Variants in HPSE2 observed in about 807,000 individuals in gnomAD.
The protein encoded by HPSE2 is inactive heparanase-2.
Under a neutral mutation model 60.5 loss-of-function variants are expected in HPSE2, and 38 were observed. The ratio of observed to expected loss-of-function variants is 0.63; its 90% CI spans 0.48 to 0.82. The LOEUF (loss-of-function observed/expected upper bound fraction) is 0.82, where lower values mean the gene tolerates loss of function less well. HPSE2 is among the 40% of genes least tolerant of loss of function. HPSE2 has a pLI of 0.00. For missense variants in HPSE2, 713 were observed against 740.4 expected (o/e 0.96, Z 0.43); for synonymous variants, 295 against 293.2 (o/e 1.01, Z -0.06).
At chr10:98,740,010 T>C (rs1949456174) in intron 4 of HPSE2, among the ~76,000 whole-genome samples, 1 of 152,152 alleles carries the variant, frequency 6.6e-6, no homozygotes, top group Non-Finnish European at 1.5e-5. Flanking sequence ...GATTCACCAA[T>C]GGTTAATATA....
At chr10:98,718,237 A>C (rs1948838437) in intron 5 of HPSE2, among the ~76,000 whole-genome samples, 1 of 152,210 alleles carries the variant, frequency 6.6e-6, no homozygotes, top group Admixed American at 6.6e-5. Context: ...TTCCCAAATA[A>C]GGAAATGAAA....
chr10:99,186,129 C>CACACACACACACACACAT (rs1554912908), intron 2 of HPSE2, among the ~76,000 whole-genome samples: 1,712 of 141,674 alleles, frequency 0.012, 69 homozygotes, highest in East Asian at 0.085. Flanking sequence ...CACACACACA[C>CACACACACACACACACAT]ACACACACAC....
chr10:99,285,081 G>A, the HPSE2 span, among the ~76,000 whole-genome samples: 3 of 151,964 alleles, frequency 2.0e-5, no homozygotes, highest in African/African-American at 7.3e-5. Flanking sequence ...AGGGGCACAT[G>A]TGCAGGGACA....
intron 3 of HPSE2, among the ~76,000 whole-genome samples, chr10:98,981,519 A>C (rs1306800099): frequency 3.3e-5 from 5 of 152,138 alleles, no homozygotes; most frequent in African/African-American, 1.2e-4. Flanking sequence ...AGTTGGCATG[A>C]TATATGTTTA....
At position 98,937,573 on chromosome 10, in the gene HPSE2, A is replaced by G. The variant is rs1389634563; in HGVS notation, c.611-193517T>C. Among the ~76,000 whole-genome samples, 5 of 143,936 alleles carry G rather than the reference A, an allele frequency of 3.5e-5. 1 individual carries two copies. Among genetic ancestry groups the G allele is most frequent in the African/African-American group, 8.5e-5 (3 of 35,466 alleles). The allele number at this position is 143,936 out of a possible 152,430, so 94.4% of individuals were successfully genotyped here. A position where few individuals can be genotyped will look rare whatever the true frequency, so the allele number is the denominator to read the frequency against. On this transcript the variant is annotated intron_variant, in intron 3 of 11. Transcript: ENST00000370552. Reference sequence around the variant, plus strand: ...TTGCCCAGGCTTTCTTAGGTAAACAAAGCAGCCTGGAAGCTCGAACTGGGT... The same window carrying G: ...TTGCCCAGGCTTTCTTAGGTAAACAGAGCAGCCTGGAAGCTCGAACTGGGT...
chr10:99,287,791 C>T, the HPSE2 span, among the ~76,000 whole-genome samples: 2 of 152,134 alleles, frequency 1.3e-5, no homozygotes, highest in Non-Finnish European at 2.9e-5. Context: ...CTCATTCAGC[C>T]ATTACTTTGC....
chr10:98,708,939 C>CA (rs535162454), intron 5 of HPSE2, among the ~76,000 whole-genome samples: 168 of 152,310 alleles, frequency 1.1e-3, no homozygotes, highest in Non-Finnish European at 1.9e-3. Flanking sequence ...CTATTACAGT[C>CA]AATGAGTTTG....
At chr10:99,011,906 A>G (rs1474333198) in intron 3 of HPSE2, among the ~76,000 whole-genome samples, 3 of 151,004 alleles carry the variant, frequency 2.0e-5, no homozygotes, top group Non-Finnish European at 2.9e-5. Flanking sequence ...ATTCTCAAAC[A>G]ATGTATTTAT....
intron 3 of HPSE2, among the ~76,000 whole-genome samples, chr10:99,091,777 T>C (rs1038992799): frequency 6.6e-6 from 1 of 152,212 alleles, no homozygotes; most frequent in African/African-American, 2.4e-5. Flanking sequence ...TTCTTGATGT[T>C]GTAGTTCTGC....
chr10:98,997,993 G>A (rs540497978), intron 3 of HPSE2, among the ~76,000 whole-genome samples: 52 of 152,350 alleles, frequency 3.4e-4, no homozygotes, highest in African/African-American at 1.2e-3. Flanking sequence ...CCACAGCACA[G>A]TGACCTTTTC....
chr10:98,903,257 T>C (rs938597098), intron 3 of HPSE2, among the ~76,000 whole-genome samples: 7 of 152,070 alleles, frequency 4.6e-5, no homozygotes, highest in Non-Finnish European at 8.8e-5. Flanking sequence ...AGTGGCTGCC[T>C]AGGCCTAGGG....
At chr10:98,865,037 T>C (rs1452365139) in intron 3 of HPSE2, among the ~76,000 whole-genome samples, 1 of 152,102 alleles carries the variant, frequency 6.6e-6, no homozygotes, top group Non-Finnish European at 1.5e-5. Flanking sequence ...TTTTTATCAA[T>C]GTTGTCACAA....
intron 3 of HPSE2, among the ~76,000 whole-genome samples, chr10:98,884,972 T>C (rs964409847): frequency 2.0e-5 from 3 of 152,198 alleles, no homozygotes; most frequent in Admixed American, 6.6e-5. Context: ...AGAACTGCCA[T>C]AGGCAGTGAT....
intron 3 of HPSE2, among the ~76,000 whole-genome samples, chr10:98,974,343 T>A (rs1003289321): frequency 2.0e-5 from 3 of 151,964 alleles, no homozygotes; most frequent in African/African-American, 7.2e-5. Flanking sequence ...TTTTGTTTGT[T>A]TGTTTGTTTT....
At chr10:98,745,697 G>A (rs1297684866) in intron 3 of HPSE2, among the ~76,000 whole-genome samples, 1 of 152,066 alleles carries the variant, frequency 6.6e-6, no homozygotes, top group Admixed American at 6.6e-5. Flanking sequence ...TGTATCCCAA[G>A]GTATGGATAA....
At chr10:99,296,269 T>C in the HPSE2 span, among the ~76,000 whole-genome samples, 1 of 152,182 alleles carries the variant, frequency 6.6e-6, no homozygotes, top group Non-Finnish European at 1.5e-5. Flanking sequence ...GAGGTGAGAC[T>C]GGACTCCAGA....
intron 2 of HPSE2, among the ~76,000 whole-genome samples, chr10:99,182,971 A>G (rs1352675038): frequency 6.6e-6 from 1 of 151,758 alleles, no homozygotes; most frequent in Non-Finnish European, 1.5e-5. Context: ...ACACACACAC[A>G]AAAAAAACTA....
chr10:98,949,248 G>T (rs534465579), intron 3 of HPSE2, among the ~76,000 whole-genome samples: 1 of 72,718 alleles, frequency 1.4e-5, no homozygotes, highest in East Asian at 3.9e-4. Flanking sequence ...ACACGCATGC[G>T]TGCACACACA....
rs369836435 is a variant in HPSE2, at chr10:99,015,413, G to C, written c.610+128825C>G. ...ATTCACAACAGAAAAGACTTGGAAC[G>C]AAACCAAATGTCCAACAATGATAGA... On this transcript the variant is annotated intron_variant, in intron 3 of 11. Transcript: ENST00000370552. Among the ~76,000 whole-genome samples, 12 of 152,222 alleles carry C rather than the reference G, an allele frequency of 7.9e-5. No individual in the cohort carries two copies. The East Asian group carries it at 1.5e-3, about 20-fold the overall frequency.
Sources: gnomAD v4.1 joint callset for allele counts (sites outside exome capture counted in the v4.1 genomes callset) on GRCh38, gnomAD v4.1.1 for gene constraint, MANE v1.5 for transcripts, NCBI Gene and HGNC (gene_info 2026-07-23, HGNC 2026-07-21) for gene names.